Variants in CPNE5 observed in about 807,000 individuals in gnomAD.
CPNE5 encodes the protein copine 5, also known as copine-5.
CPNE5 carries 42 observed loss-of-function variants against 81.1 expected under a neutral mutation model. That is an observed-to-expected ratio of 0.52 (90% CI 0.40 to 0.67). The LOEUF is 0.67. CPNE5 is among the 30% of genes least tolerant of loss of function. CPNE5 has a pLI of 0.00. For missense variants in CPNE5, 612 were observed against 815.5 expected (o/e 0.75, Z 3.04); for synonymous variants, 313 against 321.5 (o/e 0.97, Z 0.28).
intron 1 of CPNE5, among the ~76,000 whole-genome samples, chr6:36,834,294 A>AGGGG (rs1773249190): frequency 3.9e-5 from 2 of 51,782 alleles, no homozygotes; most frequent in African/African-American, 8.6e-5. Flanking sequence ...GAAGGGAGGG[A>AGGGG]GGGAGGGAGG....
chr6:36,802,595 C>T (rs962397936), intron 3 of CPNE5, among the ~76,000 whole-genome samples: 1 of 152,006 alleles, frequency 6.6e-6, no homozygotes, highest in Admixed American at 6.6e-5. Flanking sequence ...GGGCATTAAT[C>T]CTTCTTAATA....
chr6:36,797,943 G>A (rs556322199), intron 6 of CPNE5, among the ~76,000 whole-genome samples: 2 of 152,208 alleles, frequency 1.3e-5, no homozygotes, highest in South Asian at 2.1e-4. Flanking sequence ...TTCCTCCTGG[G>A]CCTTCCCAGG....
chr6:36,748,524 T>G (rs2150367100), intron 14 of CPNE5, among the ~76,000 whole-genome samples: 1 of 152,326 alleles, frequency 6.6e-6, no homozygotes, highest in South Asian at 2.1e-4. Context: ...TGTGTGGGCA[T>G]GTGGCTATGG....
chr6:36,818,593 C>A (rs909143399), intron 3 of CPNE5, among the ~76,000 whole-genome samples: 10 of 152,142 alleles, frequency 6.6e-5, no homozygotes, highest in Admixed American at 6.5e-4. Context: ...CTCGTTTCAC[C>A]CTCACCGCAG....
intron 7 of CPNE5, chr6:36,792,453 G>A (rs1194601580): frequency 2.4e-5 from 31 of 1,292,088 alleles, no homozygotes; most frequent in Non-Finnish European, 3.1e-5. Flanking sequence ...ACTTCTGTGG[G>A]CAAAAGACCT....
intron 12 of CPNE5, among the ~76,000 whole-genome samples, chr6:36,759,828 G>T (rs1436290963): frequency 6.6e-6 from 1 of 151,810 alleles, no homozygotes; most frequent in Non-Finnish European, 1.5e-5. Flanking sequence ...CAGGTGGCAG[G>T]ACGGGGATGA....
Position 36,839,273 on chromosome 6 carries a change from G to A in CPNE5, c.95+10C>T. 6.5e-7 allele frequency: 1 copy of A among 1,528,114 alleles called. No homozygotes were observed. Among genetic ancestry groups the A allele is most frequent in the South Asian group, 1.2e-5 (1 of 82,046 alleles). 94.7% of individuals were successfully genotyped at this position (1,528,114 alleles called of 1,614,324 possible). ...CCGGGGCAAGGGGACCCGGCCAGCGGGAGGCTCACCTGCAGGACACGGTGA... is the reference window on the plus strand; with the variant it reads ...CCGGGGCAAGGGGACCCGGCCAGCGAGAGGCTCACCTGCAGGACACGGTGA... On this transcript the variant is annotated intron_variant, in intron 1 of 20. Coordinates refer to ENST00000244751, the MANE Select transcript of CPNE5 (RefSeq NM_020939.2). The surrounding 1 kb of genome is among the most constrained non-coding windows in gnomAD (Gnocchi z 7.3).
At chr6:36,795,232 G>T (rs1048834759) in intron 6 of CPNE5, among the ~76,000 whole-genome samples, 7 of 152,292 alleles carry the variant, frequency 4.6e-5, no homozygotes, top group Admixed American at 2.6e-4. Flanking sequence ...AGGCTGGAGT[G>T]CAGTGGCGTG....
chr6:36,799,750 G>A (rs893261078), intron 4 of CPNE5, among the ~76,000 whole-genome samples: 11 of 152,144 alleles, frequency 7.2e-5, no homozygotes, highest in Non-Finnish European at 1.5e-4. Context: ...TAACTGAGAC[G>A]AACTGGGGTG....
At position 36,819,817 on chromosome 6, in the gene CPNE5, C is replaced by T. The variant is rs142569178; in HGVS notation, c.183+2297G>A. On this transcript the variant is annotated intron_variant, in intron 3 of 20. Coordinates refer to ENST00000244751, the MANE Select transcript of CPNE5 (RefSeq NM_020939.2). ...TCTCTGTCAGGAGTCCACCAGCCTC[C>T]CTCCCAGGAGTCAGTGGAGATGGGC... Among the ~76,000 whole-genome samples the T allele has an allele frequency of 3.5e-3, 540 of 152,302 alleles. 1 individual carries two copies. The highest frequency in any genetic ancestry group is 5.6e-3 in the Non-Finnish European group (378 of 68,028).
At chr6:36,790,363 C>T (rs1206973750) in intron 8 of CPNE5, among the ~76,000 whole-genome samples, 2 of 152,154 alleles carry the variant, frequency 1.3e-5, no homozygotes, top group East Asian at 3.8e-4. Context: ...GGACCAGGAA[C>T]CCCGAGGGAT....
chr6:36,792,007 C>T (rs1456688319), intron 8 of CPNE5, 26 bp downstream of exon 8: 28 of 1,607,714 alleles, frequency 1.7e-5, no homozygotes, highest in Non-Finnish European at 2.3e-5. Flanking sequence ...CAACCACGTC[C>T]TGTGCTGGAG....
chr6:36,742,730 C>T (rs1763680150), intron 20 of CPNE5: 3 of 985,296 alleles, frequency 3.0e-6, no homozygotes, highest in Non-Finnish European at 3.6e-6. Context: ...TATTCCACAC[C>T]AGGACACACC....
intron 20 of CPNE5, chr6:36,743,019 C>T (rs898863316): frequency 2.2e-5 from 22 of 985,326 alleles, no homozygotes; most frequent in African/African-American, 1.7e-4. Context: ...TAGCATGGGC[C>T]GGTCCCACCT....
chr6:36,765,230 C>A, intron 11 of CPNE5, 105 bp downstream of exon 11: 1 of 1,261,724 alleles, frequency 7.9e-7, no homozygotes, highest in Non-Finnish European at 1.1e-6. Flanking sequence ...ACCCCCAGAG[C>A]CACTGCGGGG....
At chr6:36,748,195 G>C in intron 15 of CPNE5, 26 bp downstream of exon 15, 1 of 1,610,728 alleles carries the variant, frequency 6.2e-7, no homozygotes, top group Non-Finnish European at 8.5e-7. Flanking sequence ...CTCCCACCCT[G>C]CTCCTCTACC....
intron 2 of CPNE5, among the ~76,000 whole-genome samples, 168 bp downstream of exon 2, chr6:36,822,890 G>A (rs9366917): frequency 0.28 from 42,734 of 152,048 alleles, 6,194 homozygotes; most frequent in South Asian, 0.45. Flanking sequence ...TCAAATCTCC[G>A]CAATTATCTT....
intron 3 of CPNE5, among the ~76,000 whole-genome samples, chr6:36,809,870 A>C (rs1265211467): frequency 6.6e-6 from 1 of 150,926 alleles, no homozygotes; most frequent in East Asian, 2.0e-4. Flanking sequence ...CTTCCACCCG[A>C]TCCTCCTCCT....
intron 1 of CPNE5, among the ~76,000 whole-genome samples, chr6:36,836,798 T>G (rs1323924758): frequency 6.6e-6 from 1 of 152,164 alleles, no homozygotes; most frequent in Non-Finnish European, 1.5e-5. Flanking sequence ...TGGGCCTGGC[T>G]GAGGCAGAGA....
Sources: allele counts gnomAD v4.1 joint callset (sites outside exome capture counted in the v4.1 genomes callset), GRCh38; gene constraint gnomAD v4.1.1; non-coding constraint Gnocchi (gnomAD v3.1); transcripts MANE v1.5; gene names NCBI Gene and HGNC (gene_info 2026-07-23, HGNC 2026-07-21).